Variants in COL5A2 observed in about 807,000 individuals in gnomAD.
The protein encoded by COL5A2 is collagen type V alpha 2 chain.
COL5A2 carries 23 observed loss-of-function variants against 208.2 expected under a neutral mutation model. That is an observed-to-expected ratio of 0.11 (90% CI 0.08 to 0.16). The LOEUF is 0.16. COL5A2 is among the 10% of genes least tolerant of loss of function. The pLI is 1.00. For synonymous variants in COL5A2, 625 were observed against 628.5 expected (o/e 0.99, Z 0.08); for missense variants, 1,590 against 1,956.4 (o/e 0.81, Z 3.53).
the COL5A2 span, among the ~76,000 whole-genome samples, chr2:189,324,335 A>G: frequency 1.3e-5 from 2 of 152,256 alleles, no homozygotes; most frequent in Non-Finnish European, 2.9e-5. Flanking sequence ...TAAACTAAAT[A>G]GCTTCTGCAT....
the COL5A2 span, among the ~76,000 whole-genome samples, chr2:189,417,576 T>C: frequency 6.6e-6 from 1 of 152,140 alleles, no homozygotes; most frequent in Admixed American, 6.5e-5. Context: ...ATTAATTTGA[T>C]GAGGGATTAA....
chr2:189,248,409 C>T, the COL5A2 span, among the ~76,000 whole-genome samples: 28 of 152,010 alleles, frequency 1.8e-4, no homozygotes, highest in Non-Finnish European at 3.8e-4. Flanking sequence ...GAGAACAGTG[C>T]TTGTAAAAAT....
chr2:189,330,273 G>T, the COL5A2 span, among the ~76,000 whole-genome samples: 14 of 152,180 alleles, frequency 9.2e-5, no homozygotes, highest in East Asian at 2.5e-3. Flanking sequence ...TCTGAGCCAC[G>T]CTGGGCCATC....
chr2:189,372,501 T>C, the COL5A2 span, among the ~76,000 whole-genome samples: 1 of 152,202 alleles, frequency 6.6e-6, no homozygotes. Context: ...TATAATGGCA[T>C]ACTTTATATA....
intron 8 of COL5A2, 113 bp from the exon 9 acceptor site, chr2:189,086,883 GGAT>G (rs1175133042): frequency 2.3e-6 from 2 of 857,600 alleles, no homozygotes; most frequent in African/African-American, 3.3e-5. Context: ...TGACAAAGGG[GGAT>G]GATGACATTC....
chr2:189,253,942 T>C, the COL5A2 span, among the ~76,000 whole-genome samples: 4 of 152,234 alleles, frequency 2.6e-5, no homozygotes, highest in Admixed American at 1.3e-4. Flanking sequence ...AGTCTGAGCA[T>C]AACTGTTTAA....
At chr2:189,369,377 T>C in the COL5A2 span, among the ~76,000 whole-genome samples, 1 of 152,154 alleles carries the variant, frequency 6.6e-6, no homozygotes, top group Non-Finnish European at 1.5e-5. Flanking sequence ...TTATTTTTTA[T>C]CTTTTTATGC....
rs1685448198 is a variant in COL5A2, at chr2:189,036,608, T to G, written c.4113+8A>C. ...AGAATACAATTTTAAGTAAACATAT[T>G]AAATTACCTGAGACCCTCTGTTCAT... On this transcript the variant is annotated splice_region_variant and intron_variant, in intron 52 of 53. Coordinates refer to ENST00000374866, the MANE Select transcript of COL5A2 (RefSeq NM_000393.5). 2 of 1,602,452 alleles carry G rather than the reference T, an allele frequency of 1.2e-6. No homozygotes were observed. The highest frequency in any genetic ancestry group is 1.7e-6 in the Non-Finnish European group (2 of 1,170,266).
At chr2:189,265,785 G>C in the COL5A2 span, among the ~76,000 whole-genome samples, 1 of 151,878 alleles carries the variant, frequency 6.6e-6, no homozygotes. Flanking sequence ...TTAACACTCA[G>C]AGAAGTGGCT....
At position 189,092,214 on chromosome 2, in the gene COL5A2, G is replaced by A. The variant is rs1354514993; in HGVS notation, c.567+96C>T. On this transcript the variant is annotated intron_variant, in intron 7 of 53. Coordinates refer to ENST00000374866, the MANE Select transcript of COL5A2 (RefSeq NM_000393.5). Reference sequence around the variant, plus strand: ...TATTTAACTGCTCTTACAGTCAAGTGTCAATATCTGAACAGACACAATTTA... The same window carrying A: ...TATTTAACTGCTCTTACAGTCAAGTATCAATATCTGAACAGACACAATTTA... 3.7e-6 allele frequency: 3 copies of A among 811,956 alleles called. No homozygotes were observed. In the African/African-American group the frequency reaches 5.1e-5, roughly 14 times the overall value. The allele number at this position is 811,956 out of a possible 1,614,324, so 50.3% of individuals were successfully genotyped here.
chr2:189,088,662 A>C, intron 8 of COL5A2, 33 bp downstream of exon 8: 1 of 1,514,062 alleles, frequency 6.6e-7, no homozygotes, highest in Non-Finnish European at 9.2e-7. Flanking sequence ...TTTTCACTGA[A>C]GTACTTCAAT....
chr2:189,167,944 A>G (rs1383482040), intron 1 of COL5A2, among the ~76,000 whole-genome samples: 1 of 139,910 alleles, frequency 7.1e-6, no homozygotes. Context: ...ACAAACTCCT[A>G]TTTTTTTTTT....
chr2:189,079,152 C>A, intron 14 of COL5A2, 45 bp from the exon 15 acceptor site: 1 of 1,393,412 alleles, frequency 7.2e-7, no homozygotes, highest in Non-Finnish European at 1.0e-6. Context: ...AGCCTACAAC[C>A]GATACATCAC....
chr2:189,394,105 T>C, the COL5A2 span, among the ~76,000 whole-genome samples: 6 of 152,202 alleles, frequency 3.9e-5, no homozygotes, highest in Middle Eastern at 3.2e-3. Context: ...TTGAGTCCTT[T>C]AAGGTCATTA....
the COL5A2 span, among the ~76,000 whole-genome samples, chr2:189,356,785 G>C: frequency 6.6e-6 from 1 of 152,176 alleles, no homozygotes; most frequent in Non-Finnish European, 1.5e-5. Flanking sequence ...TGCTGGCGAG[G>C]AGTTGTGATC....
the COL5A2 span, chr2:189,312,076 C>A: frequency 1.3e-6 from 1 of 771,806 alleles, no homozygotes; most frequent in South Asian, 1.3e-5. Context: ...TGGGCATTGT[C>A]GATCTGCAGA....
chr2:189,315,208 C>A, the COL5A2 span, among the ~76,000 whole-genome samples: 1 of 152,094 alleles, frequency 6.6e-6, no homozygotes, highest in East Asian at 1.9e-4. Flanking sequence ...AGCAGCATAT[C>A]AAAATATATC....
the COL5A2 span, among the ~76,000 whole-genome samples, chr2:189,254,047 T>A: frequency 1.3e-5 from 2 of 152,260 alleles, no homozygotes; most frequent in Non-Finnish European, 2.9e-5. Flanking sequence ...ATTCTCCTTG[T>A]AGTCAATACT....
intron 33 of COL5A2, among the ~76,000 whole-genome samples, chr2:189,058,158 C>T (rs1257348388): frequency 6.6e-6 from 1 of 152,110 alleles, no homozygotes; most frequent in African/African-American, 2.4e-5. Flanking sequence ...ATAAAATGTA[C>T]ATAAACATTA....
Sources: allele counts gnomAD v4.1 joint callset (sites outside exome capture counted in the v4.1 genomes callset), GRCh38; gene constraint gnomAD v4.1.1; transcripts MANE v1.5; gene names NCBI Gene and HGNC (gene_info 2026-07-23, HGNC 2026-07-21).